PRTG: variants seen among roughly 807,000 people sequenced by gnomAD.
PRTG encodes the protein immunoglobulin superfamily, DCC subclass, member 5.
In PRTG, 67 loss-of-function variants were observed where a neutral mutation model predicts 122.5. The observed-to-expected ratio is 0.55, with a 90% CI of 0.45 to 0.67. The LOEUF (loss-of-function observed/expected upper bound fraction) is 0.67. Ranked by LOEUF, PRTG falls within the 30% of genes least tolerant of loss-of-function variation. The pLI, the probability that PRTG is intolerant of heterozygous loss-of-function variation, is 0.00. For synonymous variants in PRTG, 554 were observed against 501.1 expected, an observed-to-expected ratio of 1.11 and a Z score of -1.41; for missense variants, 1,435 against 1,415.4, an observed-to-expected ratio of 1.01 and a Z score of -0.22.
chr15:55,677,568 G>C (rs2059509599), intron 8 of PRTG, among the ~76,000 whole-genome samples: 1 of 152,176 alleles, frequency 6.6e-6, no homozygotes, highest in Non-Finnish European at 1.5e-5. Flanking sequence ...GCATTAGCTG[G>C]TAATTGTTTC....
In PRTG at chr15:55,615,456, G is replaced by C. The variant is rs1364618994; in HGVS notation, c.*4556C>G. On this transcript the variant is annotated 3_prime_UTR_variant, in exon 20 of 20. Coordinates refer to ENST00000389286, the MANE Select transcript of PRTG (RefSeq NM_173814.6). ...AGCCTGAAACATACACATTGCATTA[G>C]CCTGTGATCTTATGTCCTGAGCATA... The C allele has an allele frequency of 1.3e-5, 2 of 152,090 alleles. No homozygotes were observed. Among genetic ancestry groups the C allele is most frequent in the African/African-American group, 4.8e-5 (2 of 41,418 alleles). The allele number at this position is 152,090 out of a possible 1,614,324, so 9.4% of individuals were successfully genotyped here. A position where few individuals can be genotyped will look rare whatever the true frequency, so the allele number is the denominator to read the frequency against.
At chr15:55,682,290 T>C (rs999317607) in intron 4 of PRTG, 74 bp downstream of exon 4, 4 of 1,227,590 alleles carry the variant, frequency 3.3e-6, no homozygotes, top group Admixed American at 5.1e-5. Flanking sequence ...GGCACATTAT[T>C]ACAGCAGAGG....
intron 2 of PRTG, among the ~76,000 whole-genome samples, chr15:55,684,153 G>C (rs1463572341): frequency 6.6e-6 from 1 of 152,158 alleles, no homozygotes; most frequent in Non-Finnish European, 1.5e-5. Flanking sequence ...ATTCTAAATA[G>C]GTTCGCAAGA....
chr15:55,620,793 T>C lies in PRTG; in HGVS notation c.3094-26A>G, dbSNP rs182239402. The C allele has an allele frequency of 1.6e-5, 25 of 1,555,738 alleles. 1 individual carries two copies. Among genetic ancestry groups the C allele is most frequent in the South Asian group, 1.6e-4 (13 of 83,854 alleles). On this transcript the variant is annotated intron_variant, in intron 18 of 19. Transcript: ENST00000389286. ...CTGAGGAAATAAAAGAGGGGAAATGTAAAATATCCTGGTATCACAGATTTC... is the reference window on the plus strand; with the variant it reads ...CTGAGGAAATAAAAGAGGGGAAATGCAAAATATCCTGGTATCACAGATTTC...
Position 55,611,999 on chromosome 15 carries a change from T to C in PRTG, c.*8013A>G, listed in dbSNP as rs1042899356. The stretch of plus-strand genomic sequence containing the variant: ...ACTGGCTCCCACACTTTCATTTAAT[T>C]CACATCTTTGAAGAAAATAGAAAAA... On this transcript the variant is annotated 3_prime_UTR_variant, in exon 20 of 20. Coordinates refer to ENST00000389286, the MANE Select transcript of PRTG (RefSeq NM_173814.6). 4.9e-5 allele frequency: 7 copies of C among 142,722 alleles called. No individual in the cohort carries two copies. The highest frequency in any genetic ancestry group is 2.2e-4 in the Admixed American group (3 of 13,882). 8.8% of individuals were successfully genotyped at this position (142,722 alleles called of 1,614,324 possible). A position where few individuals can be genotyped will look rare whatever the true frequency, so the allele number is the denominator to read the frequency against.
At chr15:55,654,057 T>C (rs2059367491) in intron 11 of PRTG, among the ~76,000 whole-genome samples, 1 of 152,238 alleles carries the variant, frequency 6.6e-6, no homozygotes, top group Admixed American at 6.5e-5. Flanking sequence ...ATTCAAACAC[T>C]GAAAAACTAA....
chr15:55,638,249 C>T (rs1253371377), intron 14 of PRTG, among the ~76,000 whole-genome samples: 2 of 152,098 alleles, frequency 1.3e-5, no homozygotes, highest in African/African-American at 2.4e-5. Flanking sequence ...ATTCACTTAC[C>T]GCCATTTAAA....
intron 11 of PRTG, among the ~76,000 whole-genome samples, chr15:55,646,490 T>C (rs1314127709): frequency 6.6e-6 from 1 of 151,438 alleles, no homozygotes; most frequent in African/African-American, 2.4e-5. Context: ...GCCCGGCCAA[T>C]TTTTTGTATT....
intron 11 of PRTG, among the ~76,000 whole-genome samples, chr15:55,649,924 A>G (rs146339101): frequency 7.4e-4 from 112 of 152,154 alleles, no homozygotes; most frequent in African/African-American, 2.6e-3. Flanking sequence ...TGAACAACAG[A>G]CTCCATAACC....
chr15:55,683,654 G>C lies in PRTG; in HGVS notation c.542+133C>G, dbSNP rs141360519. The C allele has an allele frequency of 9.6e-3, 6,219 of 650,914 alleles. 42 individuals are homozygous for C. Among genetic ancestry groups the C allele is most frequent in the Non-Finnish European group, 0.013 (5,100 of 405,004 alleles). 40.3% of individuals were successfully genotyped at this position (650,914 alleles called of 1,614,324 possible). A position where few individuals can be genotyped will look rare whatever the true frequency, so the allele number is the denominator to read the frequency against. ...ATGATCTAATTCTTTGGCTAAGTTT[G>C]AAATGTCTTAAGCAATCAGTTATTA... is the stretch of plus-strand genomic sequence containing the variant. On this transcript the variant is annotated intron_variant, in intron 3 of 19. Coordinates refer to ENST00000389286, the MANE Select transcript of PRTG (RefSeq NM_173814.6).
chr15:55,642,888 T>C (rs946698008), intron 11 of PRTG, among the ~76,000 whole-genome samples: 5 of 152,160 alleles, frequency 3.3e-5, no homozygotes, highest in Middle Eastern at 3.4e-3. Context: ...CTGGGCAATA[T>C]AGCAAGATCG....
intron 2 of PRTG, chr15:55,738,749 G>C (rs1354862096): frequency 3.3e-6 from 1 of 303,992 alleles, no homozygotes; most frequent in Non-Finnish European, 6.0e-6. Flanking sequence ...CAGGCAGGCA[G>C]AGGGAGGGAA....
Position 55,682,399 on chromosome 15 carries a change from C to A in PRTG, c.641G>T (p.Arg214Leu). 6.2e-7 allele frequency: 1 copy of A among 1,604,846 alleles called. No homozygotes were observed. The highest frequency in any genetic ancestry group is 8.5e-7 in the Non-Finnish European group (1 of 1,174,636). The change falls in exon 4 of 20, where the codon CGT (arginine) becomes CTT (leucine). Residue 214 changes from arginine to leucine, a missense_variant. Arg to Leu is a moderately radical substitution (Grantham distance 102). Coordinates refer to ENST00000389286, the MANE Select transcript of PRTG (RefSeq NM_173814.6). ...AGTTAGCGAGGCCTCCATACTTTTA[C>A]GTCGGTGGGCTACAGTGGCAGCAAT... ...RCIAATVAHR[R>L]KSMEASLTVI... is the part of the protein sequence containing the mutation.
chr15:55,656,295 C>T (rs958936277), intron 11 of PRTG: 5 of 448,582 alleles, frequency 1.1e-5, no homozygotes, highest in Admixed American at 2.4e-5. Context: ...TCCAGTTGAG[C>T]TGTTTTGTGG....
chr15:55,711,758 A>C (rs923736964), intron 2 of PRTG, among the ~76,000 whole-genome samples: 2 of 152,208 alleles, frequency 1.3e-5, no homozygotes, highest in Non-Finnish European at 2.9e-5. Context: ...CCTTATGAGC[A>C]GAACCACCCA....
chr15:55,702,825 G>A, intron 2 of PRTG: 1 of 770,482 alleles, frequency 1.3e-6, no homozygotes, highest in Non-Finnish European at 1.6e-6. Flanking sequence ...CACACAACCT[G>A]AAAAGCCCAG....
In PRTG at chr15:55,623,813, A is replaced by G. The variant is rs184066194; in HGVS notation, c.3093+529T>C. Among the ~76,000 whole-genome samples the G allele has an allele frequency of 3.5e-4, 53 of 152,332 alleles. No individual in the cohort carries two copies. In the East Asian group the frequency reaches 9.5e-3, roughly 27 times the overall value. ...AAAGGACATGAAGTAACTTCTTCCA[A>G]TGGTGTTTCTGTACAACTTTCTTCA... On this transcript the variant is annotated intron_variant, in intron 18 of 19. Coordinates refer to ENST00000389286, the MANE Select transcript of PRTG (RefSeq NM_173814.6).
rs1362634639 is a variant in PRTG at position 55,657,880 on chromosome 15, G to A, written c.2041+14565C>T. 3.9e-5 allele frequency among the ~76,000 whole-genome samples: 6 copies of A among 151,992 alleles called. No individual in the cohort carries two copies. The East Asian group carries it at 1.2e-3, about 29-fold the overall frequency. ...AAAAATTATGATCAAATACAGTTAT[G>A]AAACATTTATAAAATTCAGACAAGC... is the stretch of plus-strand genomic sequence containing the variant. On this transcript the variant is annotated intron_variant, in intron 11 of 19. Transcript: ENST00000389286.
intron 2 of PRTG, among the ~76,000 whole-genome samples, chr15:55,699,214 T>C (rs2059648670): frequency 6.6e-6 from 1 of 152,198 alleles, no homozygotes; most frequent in Non-Finnish European, 1.5e-5. Flanking sequence ...ATAAAATAAT[T>C]TTCAATGGCA....
Sources: gnomAD v4.1 joint callset for allele counts (sites outside exome capture counted in the v4.1 genomes callset) on GRCh38, gnomAD v4.1.1 for gene constraint, MANE v1.5 for transcripts, NCBI Gene and HGNC (gene_info 2026-07-23, HGNC 2026-07-21) for gene names.